Variants in BMX observed in about 807,000 individuals in gnomAD.
BMX encodes the protein BMX non-receptor tyrosine kinase.
In BMX, 31 loss-of-function variants were observed where a neutral mutation model predicts 59.2. The observed-to-expected ratio is 0.52, with a 90% CI of 0.39 to 0.71. The LOEUF (loss-of-function observed/expected upper bound fraction) is 0.71. Ranked by LOEUF, BMX falls within the 30% of genes least tolerant of loss-of-function variation. The probability of loss-of-function intolerance (pLI) is 0.00; values close to 1 mark genes in which losing one functional copy is unlikely to be tolerated. For synonymous variants in BMX, 185 were observed against 181.0 expected, an observed-to-expected ratio of 1.02 and a Z score of -0.18; for missense variants, 474 against 491.7, an observed-to-expected ratio of 0.96 and a Z score of 0.34.
Position 15,549,988 on chromosome X carries a change from C to T in BMX, c.1944C>T (p.Cys648=), listed in dbSNP as rs1205560524. The T allele has an allele frequency of 8.3e-7, 1 of 1,203,360 alleles. No homozygotes were observed. The highest frequency in any genetic ancestry group is 1.7e-5 in the African/African-American group (1 of 57,482). The change falls in exon 18 of 19, where the codon TGC becomes TGT. Residue 648 remains cysteine, a synonymous_variant. Transcript: ENST00000348343. ...SDTIYQIMYS[C]WHELPEKRPT... ...CCATCTACCAGATCATGTACAGCTG[C>T]TGGCACGAGGCAAGTGTATTCTCTG...
intron 1 of BMX, chrX:15,507,448 T>C (rs1263527861): frequency 4.9e-6 from 3 of 612,352 alleles, no homozygotes; most frequent in Non-Finnish European, 5.9e-6. Context: ...AGAAAGATTT[T>C]AACTATTGGG....
At chrX:15,506,282 G>A (rs1923739902) in intron 1 of BMX, among the ~76,000 whole-genome samples, 1 of 111,630 alleles carries the variant, frequency 9.0e-6, no homozygotes, top group African/African-American at 3.3e-5. Context: ...TGGACATTGG[G>A]ATTTTTACAT....
rs1277104853 is a variant in BMX at position 15,556,226 on chromosome X, G to GC, written c.*80dup. The GC allele has an allele frequency of 1.1e-6, 1 of 921,411 alleles. No individual in the cohort carries two copies. The highest frequency in any genetic ancestry group is 2.0e-5 in the African/African-American group (1 of 49,809). 75.9% of individuals were successfully genotyped at this position (921,411 alleles called of 1,213,427 possible). On this transcript the variant is annotated 3_prime_UTR_variant, in exon 19 of 19. Coordinates refer to ENST00000348343, the MANE Select transcript of BMX (RefSeq NM_203281.3). ...CATTCATTTTAAGGAAAGTAGCAAG[G>GC]CATAATGTAATTTAGCTAGTTTTTA...
At chrX:15,533,130 C>T (rs1925160369) in intron 11 of BMX, among the ~76,000 whole-genome samples, 1 of 112,320 alleles carries the variant, frequency 8.9e-6, no homozygotes, top group South Asian at 3.6e-4. Context: ...AAGAGAAGAA[C>T]CATTTCTCCT....
Position 15,546,945 on chromosome X carries a change from C to T in BMX, c.1795+24C>T, listed in dbSNP as rs1925977083. 3.5e-6 allele frequency: 4 copies of T among 1,135,519 alleles called. No individual in the cohort carries two copies. In the South Asian group the frequency reaches 5.7e-5, roughly 16 times the overall value. 93.6% of individuals were successfully genotyped at this position (1,135,519 alleles called of 1,213,427 possible). A position where few individuals can be genotyped will look rare whatever the true frequency, so the allele number is the denominator to read the frequency against. ...TGGTAAGGATGTGGCCACATACGAC[C>T]TGGCCCTGTTTCATAAGCTTACTTC... On this transcript the variant is annotated intron_variant, in intron 17 of 18. Coordinates refer to ENST00000348343, the MANE Select transcript of BMX (RefSeq NM_203281.3).
At chrX:15,503,008 G>T (rs186364255) in intron 1 of BMX, among the ~76,000 whole-genome samples, 1 of 111,251 alleles carries the variant, frequency 9.0e-6, no homozygotes, top group East Asian at 2.8e-4. Flanking sequence ...TAGCTATATG[G>T]CATGTAAAGT....
chrX:15,540,348 G>A (rs1925600472), intron 14 of BMX, among the ~76,000 whole-genome samples: 3 of 108,591 alleles, frequency 2.8e-5, no homozygotes, highest in East Asian at 2.9e-4. Context: ...ACCGAACACC[G>A]CATGTTCTCA....
intron 15 of BMX, 62 bp from the exon 16 acceptor site, chrX:15,543,009 G>A: frequency 9.3e-7 from 1 of 1,071,168 alleles, no homozygotes; most frequent in Non-Finnish European, 1.3e-6. Flanking sequence ...CTCAAAAGGA[G>A]GAAAATGTCA....
At chrX:15,541,571 T>G (rs972170137) in intron 14 of BMX, among the ~76,000 whole-genome samples, 1 of 112,161 alleles carries the variant, frequency 8.9e-6, no homozygotes, top group Non-Finnish European at 1.9e-5. Context: ...TTTTTTAGAA[T>G]GAAATATTTA....
chrX:15,520,856 G>A (rs1924413519), intron 6 of BMX, among the ~76,000 whole-genome samples: 1 of 110,936 alleles, frequency 9.0e-6, no homozygotes, highest in Admixed American at 9.6e-5. Context: ...ACTTCCTAGT[G>A]CATTTTTCTT....
At chrX:15,543,600 AT>A (rs1204237085) in intron 16 of BMX, among the ~76,000 whole-genome samples, 2 of 110,383 alleles carry the variant, frequency 1.8e-5, no homozygotes, top group Non-Finnish European at 3.8e-5. Flanking sequence ...AATATTTATA[AT>A]TTTTTAACTC....
chrX:15,541,508 A>T (rs1033491172), intron 14 of BMX, among the ~76,000 whole-genome samples: 1 of 110,671 alleles, frequency 9.0e-6, no homozygotes, highest in South Asian at 3.6e-4. Context: ...AAAGAAAAAA[A>T]ATCAAACCTC....
At chrX:15,528,671 C>CAA (rs200740549) in intron 9 of BMX, among the ~76,000 whole-genome samples, 1 of 108,895 alleles carries the variant, frequency 9.2e-6, no homozygotes, top group East Asian at 2.9e-4. Flanking sequence ...ACAAAACAAA[C>CAA]AAAAAAAAAC....
At chrX:15,536,525 A>C in intron 13 of BMX, 98 bp downstream of exon 13, 1 of 763,519 alleles carries the variant, frequency 1.3e-6, no homozygotes, top group Non-Finnish European at 1.9e-6. Context: ...AAAGGAGGAA[A>C]GACAGGAAGG....
rs187965885 is a variant in BMX at position 15,546,658 on chromosome X, G to C, written c.1677-145G>C. The C allele has an allele frequency of 5.6e-5, 24 of 425,156 alleles. No individual in the cohort carries two copies. The East Asian group carries it at 8.9e-4, about 16-fold the overall frequency. 35.0% of individuals were successfully genotyped at this position (425,156 alleles called of 1,213,427 possible). ...TTTAAATGCTTACAAACCATAAGCAGCCTCCAGCTAAGCCCACACATTGAA... is the reference window on the plus strand; with the variant it reads ...TTTAAATGCTTACAAACCATAAGCACCCTCCAGCTAAGCCCACACATTGAA... On this transcript the variant is annotated intron_variant, in intron 16 of 18. Coordinates refer to ENST00000348343, the MANE Select transcript of BMX (RefSeq NM_203281.3).
rs147917241 is a variant in BMX, at chrX:15,522,470, G to T, written c.635G>T (p.Ser212Ile). 1.2e-5 allele frequency: 14 copies of T among 1,212,176 alleles called. No homozygotes were observed. Among genetic ancestry groups the T allele is most frequent in the Non-Finnish European group, 1.6e-5 (14 of 895,589 alleles). The part of the protein sequence containing the change: ...YGSQPPSSST[S>I]LAQYDSNSKK... ...TCCCAGCCACCATCTTCAAGTACCA[G>T]TCTAGCGCAATATGACAGCAACTCA... The change falls in exon 7 of 19, where the codon AGT (serine) becomes ATT (isoleucine). Residue 212 changes from serine (S) to isoleucine (I), a missense_variant. Transcript: ENST00000348343.
At chrX:15,536,016 G>A (rs1025210944) in intron 12 of BMX, among the ~76,000 whole-genome samples, 1 of 111,912 alleles carries the variant, frequency 8.9e-6, no homozygotes, top group African/African-American at 3.2e-5. Flanking sequence ...TTTGTCAAAT[G>A]TATGTGCTGT....
intron 6 of BMX, among the ~76,000 whole-genome samples, chrX:15,518,276 G>C (rs1227520493): frequency 9.1e-6 from 1 of 110,359 alleles, no homozygotes; most frequent in Admixed American, 9.6e-5. Context: ...GGGTGCATGC[G>C]GGAGATGTCC....
At chrX:15,544,802 G>A (rs1162491192) in intron 16 of BMX, among the ~76,000 whole-genome samples, 1 of 111,022 alleles carries the variant, frequency 9.0e-6, no homozygotes, top group Non-Finnish European at 1.9e-5. Flanking sequence ...AGGGGTTCTG[G>A]GGAGAAAAGT....
Sources: gnomAD v4.1 joint callset for allele counts (sites outside exome capture counted in the v4.1 genomes callset) on GRCh38, gnomAD v4.1.1 for gene constraint, MANE v1.5 for transcripts, NCBI Gene and HGNC (gene_info 2026-07-23, HGNC 2026-07-21) for gene names.